MYO1D: variants seen among roughly 807,000 people sequenced by gnomAD.
MYO1D encodes unconventional myosin-Id.
In MYO1D, 83 loss-of-function variants were observed where a neutral mutation model predicts 122.0. That is an observed-to-expected ratio of 0.68 (90% confidence interval 0.57 to 0.82). The LOEUF is 0.82. Ranked by LOEUF, MYO1D falls within the 40% of genes least tolerant of loss-of-function variation. MYO1D has a pLI of 0.00. For synonymous variants in MYO1D, 464 were observed against 446.9 expected (o/e 1.04, Z -0.48); for missense variants, 1,157 against 1,269.5 (o/e 0.91, Z 1.35).
At chr17:32,637,561 C>G (rs773288426) in intron 20 of MYO1D, among the ~76,000 whole-genome samples, 5 of 152,240 alleles carry the variant, frequency 3.3e-5, no homozygotes, top group African/African-American at 1.2e-4. Flanking sequence ...ATCCCAGCTA[C>G]TCAGGAGGCA....
chr17:32,495,186 G>A (rs963040796), intron 21 of MYO1D, among the ~76,000 whole-genome samples: 3 of 152,184 alleles, frequency 2.0e-5, no homozygotes, highest in African/African-American at 4.8e-5. Flanking sequence ...TTGAACAGAC[G>A]CCACCAGGTC....
intron 19 of MYO1D, among the ~76,000 whole-genome samples, chr17:32,648,991 T>C (rs907858351): frequency 8.5e-5 from 13 of 152,210 alleles, no homozygotes; most frequent in African/African-American, 2.9e-4. Context: ...AGAATACGTT[T>C]ATAACATATC....
chr17:32,637,112 C>T (rs952481899), intron 20 of MYO1D, among the ~76,000 whole-genome samples: 1 of 152,168 alleles, frequency 6.6e-6, no homozygotes, highest in Non-Finnish European at 1.5e-5. Flanking sequence ...GGGAAAACAG[C>T]TTCGGTTCAA....
rs546116854 is a variant in MYO1D, at chr17:32,711,373, C to T, written c.2121+615G>A. ...TTTAAAAGTCCTTTACGCAGCCGGG[C>T]GTGGTGGCTCACGCCTGTAATCCCA... On this transcript the variant is annotated intron_variant, in intron 16 of 21. Coordinates refer to ENST00000318217, the MANE Select transcript of MYO1D (RefSeq NM_015194.3). Among the ~76,000 whole-genome samples, 68 of 152,266 alleles carry T rather than the reference C, an allele frequency of 4.5e-4. No homozygotes were observed. The East Asian group carries it at 6.8e-3, about 15-fold the overall frequency.
rs374088560 is a variant in MYO1D, at chr17:32,765,695, T to G, written c.832-614A>C. The stretch of plus-strand genomic sequence containing the variant: ...GGATGGTCTCGACCTCCTGACCTCA[T>G]GATCCACCCACCTCGGCCTCCCAAA... On this transcript the variant is annotated intron_variant, in intron 7 of 21. Transcript: ENST00000318217. Among the ~76,000 whole-genome samples the G allele has an allele frequency of 2.1e-3, 318 of 152,204 alleles. 19 individuals carry two copies. The South Asian group carries it at 0.063, about 30-fold the overall frequency.
At chr17:32,610,417 C>A (rs182040890) in intron 20 of MYO1D, among the ~76,000 whole-genome samples, 50 of 152,298 alleles carry the variant, frequency 3.3e-4, no homozygotes, top group Admixed American at 2.9e-3. Context: ...GATTAAGTCC[C>A]TATTGTTGCC....
At chr17:32,852,461 GCCAAGTTATTCTACTTCTAGGAAT>G (rs2151082454) in intron 1 of MYO1D, among the ~76,000 whole-genome samples, 1 of 152,240 alleles carries the variant, frequency 6.6e-6, no homozygotes, top group East Asian at 1.9e-4. Flanking sequence ...ATGTCTTGTA[GCCAAGTTATTCTACTTCTAGGAAT>G]CCATACCAAG....
rs184037295 is a variant in MYO1D, at chr17:32,861,455, C to T, written c.95+15323G>A. On this transcript the variant is annotated intron_variant, in intron 1 of 21. Coordinates refer to ENST00000318217, the MANE Select transcript of MYO1D (RefSeq NM_015194.3). ...ATGTGACAAAAAACAAACATTCAGC[C>T]ATCTCCCAGACCAGAGAGATTATAG... Among the ~76,000 whole-genome samples the T allele has an allele frequency of 5.0e-3, 765 of 152,286 alleles. 3 individuals carry two copies. Among genetic ancestry groups the T allele is most frequent in the Non-Finnish European group, 8.6e-3 (584 of 68,026 alleles).
At chr17:32,730,121 GT>G (rs1042623511) in intron 14 of MYO1D, among the ~76,000 whole-genome samples, 145 of 136,152 alleles carry the variant, frequency 1.1e-3, no homozygotes, top group African/African-American at 2.9e-3. Flanking sequence ...TGTTTTTATT[GT>G]TTTTTTTTTT....
chr17:32,770,575 G>A (rs1204922327), intron 6 of MYO1D, among the ~76,000 whole-genome samples: 1 of 151,978 alleles, frequency 6.6e-6, no homozygotes, highest in Non-Finnish European at 1.5e-5. Flanking sequence ...AAATAAAAGA[G>A]CAAAAATACG....
At chr17:32,823,613 A>G (rs906751113) in intron 1 of MYO1D, among the ~76,000 whole-genome samples, 2 of 152,210 alleles carry the variant, frequency 1.3e-5, no homozygotes, top group African/African-American at 2.4e-5. Flanking sequence ...TAATAGTAAT[A>G]TAAGTAATTA....
chr17:32,655,499 T>C (rs1019810868), intron 17 of MYO1D, among the ~76,000 whole-genome samples: 2 of 152,140 alleles, frequency 1.3e-5, no homozygotes, highest in Non-Finnish European at 2.9e-5. Flanking sequence ...CAGGCACCAC[T>C]GATAAGGATA....
At chr17:32,573,301 A>G (rs1200853676) in intron 21 of MYO1D, among the ~76,000 whole-genome samples, 1 of 152,124 alleles carries the variant, frequency 6.6e-6, no homozygotes, top group African/African-American at 2.4e-5. Context: ...AATCCCTTGA[A>G]TCCCCGCATT....
intron 21 of MYO1D, among the ~76,000 whole-genome samples, chr17:32,586,112 G>C (rs1448620859): frequency 1.3e-5 from 2 of 152,290 alleles, no homozygotes; most frequent in African/African-American, 4.8e-5. Flanking sequence ...AGAAGTCTGG[G>C]ATTTGCAGAG....
chr17:32,512,302 A>AT (rs1909724016), intron 21 of MYO1D, among the ~76,000 whole-genome samples: 1 of 147,896 alleles, frequency 6.8e-6, no homozygotes, highest in South Asian at 2.1e-4. Flanking sequence ...CTCTTATCTC[A>AT]TAAAAAAAAA....
chr17:32,870,464 C>A (rs905510601), intron 1 of MYO1D, among the ~76,000 whole-genome samples: 3 of 151,904 alleles, frequency 2.0e-5, no homozygotes, highest in Non-Finnish European at 4.4e-5. Flanking sequence ...CAAACAGCCA[C>A]AGAGAAAGAA....
chr17:32,582,393 T>A (rs561336055), intron 21 of MYO1D, among the ~76,000 whole-genome samples: 26 of 152,384 alleles, frequency 1.7e-4, no homozygotes, highest in Admixed American at 3.9e-4. Context: ...AAAATACTAA[T>A]GTCTCTTAAT....
intron 21 of MYO1D, among the ~76,000 whole-genome samples, chr17:32,517,880 G>GC (rs1231265291): frequency 6.6e-6 from 1 of 152,216 alleles, no homozygotes; most frequent in Non-Finnish European, 1.5e-5. Flanking sequence ...GAGCGGCTGA[G>GC]CCCCCAAGGG....
At chr17:32,870,077 T>G (rs557700858) in intron 1 of MYO1D, among the ~76,000 whole-genome samples, 1 of 152,290 alleles carries the variant, frequency 6.6e-6, no homozygotes, top group African/African-American at 2.4e-5. Flanking sequence ...GAAATGACCC[T>G]GAATAAAAAT....
Sources: gnomAD v4.1 joint callset for allele counts (sites outside exome capture counted in the v4.1 genomes callset) on GRCh38, gnomAD v4.1.1 for gene constraint, MANE v1.5 for transcripts, NCBI Gene and HGNC (gene_info 2026-07-23, HGNC 2026-07-21) for gene names.